The following RAB1B variants were observed in gnomAD, a reference collection of about 807,000 sequenced individuals.
RAB1B encodes ras-related protein Rab-1B.
Under a neutral mutation model 24.8 loss-of-function variants are expected in RAB1B, and 10 were observed. The observed-to-expected ratio is 0.40, with a 90% CI of 0.25 to 0.68. RAB1B has a LOEUF of 0.68. RAB1B is among the 30% of genes least tolerant of loss of function. RAB1B has a pLI of 0.37. For synonymous variants in RAB1B, 99 were observed against 111.7 expected (o/e 0.89, Z 0.72); for missense variants, 154 against 271.2 (o/e 0.57, Z 3.04).
chr11:66,273,937 G>C (rs1370701604), intron 4 of RAB1B, among the ~76,000 whole-genome samples: 1 of 152,068 alleles, frequency 6.6e-6, no homozygotes, highest in Non-Finnish European at 1.5e-5. Flanking sequence ...TGGCCTCACT[G>C]TCTCTCCCCA....
At chr11:66,271,517 A>T in intron 1 of RAB1B, 1 of 202,294 alleles carries the variant, frequency 4.9e-6, no homozygotes, top group Non-Finnish European at 9.7e-6. Flanking sequence ...AAAAAAAATT[A>T]GCTAGAAGTG....
chr11:66,272,541 C>T, intron 4 of RAB1B, 81 bp downstream of exon 4: 3 of 924,532 alleles, frequency 3.2e-6, no homozygotes, highest in Non-Finnish European at 5.0e-6. Flanking sequence ...TCCATCCTCT[C>T]TTTCCTGATG....
chr11:66,268,731 G>C, intron 1 of RAB1B, 38 bp downstream of exon 1: 2 of 1,552,342 alleles, frequency 1.3e-6, no homozygotes, highest in Non-Finnish European at 1.7e-6. Context: ...GCGCAGCCTC[G>C]ATCCCGAATA....
At chr11:66,274,589 G>A (rs75895114) in intron 4 of RAB1B, among the ~76,000 whole-genome samples, 6,038 of 152,166 alleles carry the variant, frequency 0.04, 327 homozygotes, top group East Asian at 0.17. Flanking sequence ...CTCCTGTCAG[G>A]ACTAGCATAG....
chr11:66,272,348 T>G lies in RAB1B; in HGVS notation c.184-17T>G, dbSNP rs1857074317. The G allele has an allele frequency of 6.2e-7, 1 of 1,611,528 alleles. No homozygotes were observed. The highest frequency in any genetic ancestry group is 1.3e-5 in the African/African-American group (1 of 74,874). ...CTGGACCTCAGCTGACCTGCTCCTC[T>G]GCCTACTGTCTCCTAGTGGGACACA... On this transcript the variant is annotated splice_polypyrimidine_tract_variant and intron_variant, in intron 3 of 5. Transcript: ENST00000311481.
At chr11:66,275,132 TAA>T (rs921786265) in intron 4 of RAB1B, among the ~76,000 whole-genome samples, 3 of 152,200 alleles carry the variant, frequency 2.0e-5, no homozygotes, top group African/African-American at 7.2e-5. Flanking sequence ...GCAAGAGGTC[TAA>T]GTTTGAGCCA....
At chr11:66,269,031 C>T (rs1857002669) in intron 1 of RAB1B, among the ~76,000 whole-genome samples, 6 of 152,078 alleles carry the variant, frequency 3.9e-5, no homozygotes, top group Admixed American at 3.3e-4. Context: ...TGCTGCTTGA[C>T]AACTGTCCCG....
At chr11:66,276,012 C>G in intron 5 of RAB1B, 32 bp from the exon 6 acceptor site, 8 of 1,608,112 alleles carry the variant, frequency 5.0e-6, no homozygotes, top group Non-Finnish European at 6.8e-6. Context: ...CTCCTCTTCT[C>G]TCCCCTCCTC....
At chr11:66,274,041 C>T (rs369560864) in intron 4 of RAB1B, among the ~76,000 whole-genome samples, 46 of 152,246 alleles carry the variant, frequency 3.0e-4, no homozygotes, top group Admixed American at 7.2e-4. Context: ...GTGGTGTGAT[C>T]ATAGCTCATT....
Position 66,276,437 on chromosome 11 carries a change from T to G in RAB1B, c.*199T>G. On this transcript the variant is annotated 3_prime_UTR_variant, in exon 6 of 6. Coordinates refer to ENST00000311481, the MANE Select transcript of RAB1B (RefSeq NM_030981.3). ...TGTCAGGGTCCCTAAGGGAGGACAC[T>G]CAGGGCCTGTGGCCAGGCAGGGCGG... 1.7e-6 allele frequency: 1 copy of G among 573,586 alleles called. No homozygotes were observed. The highest frequency in any genetic ancestry group is 2.9e-6 in the Non-Finnish European group (1 of 339,086). 35.5% of individuals were successfully genotyped at this position (573,586 alleles called of 1,614,324 possible).
intron 4 of RAB1B, among the ~76,000 whole-genome samples, chr11:66,275,365 C>G (rs987435460): frequency 1.4e-4 from 21 of 152,334 alleles, no homozygotes; most frequent in Non-Finnish European, 2.4e-4. Flanking sequence ...AGAGGACCCT[C>G]GAACTCCTGT....
At chr11:66,273,498 G>A (rs1303152768) in intron 4 of RAB1B, among the ~76,000 whole-genome samples, 5 of 152,164 alleles carry the variant, frequency 3.3e-5, no homozygotes, top group Admixed American at 1.3e-4. Context: ...TGCAGCACTC[G>A]ATTCTCTATT....
At chr11:66,273,631 T>C (rs1362888103) in intron 4 of RAB1B, among the ~76,000 whole-genome samples, 1 of 152,218 alleles carries the variant, frequency 6.6e-6, no homozygotes, top group African/African-American at 2.4e-5. Flanking sequence ...TGTGGTTTGC[T>C]TCTGCCTTGT....
chr11:66,272,984 A>G (rs2134863551), intron 4 of RAB1B, among the ~76,000 whole-genome samples: 1 of 152,356 alleles, frequency 6.6e-6, no homozygotes, highest in Middle Eastern at 3.4e-3. Context: ...AGGGCTGGAA[A>G]TGGTTCCATG....
intron 4 of RAB1B, among the ~76,000 whole-genome samples, chr11:66,275,032 C>G (rs1429620760): frequency 6.6e-6 from 1 of 152,216 alleles, no homozygotes; most frequent in Non-Finnish European, 1.5e-5. Context: ...GTCTATTCAT[C>G]TACTGTCCCG....
rs1406992872 is a variant in RAB1B at position 66,277,022 on chromosome 11, A to T, written c.*784A>T. ...TGCCAGAGGCTGGGCACCAGCCTTA[A>T]CCCTCACTCTGCTAGCACCTCCTCC... is the stretch of plus-strand genomic sequence containing the variant. On this transcript the variant is annotated 3_prime_UTR_variant, in exon 6 of 6. Transcript: ENST00000311481. The T allele has an allele frequency of 6.5e-6, 1 of 152,740 alleles. No individual in the cohort carries two copies. The highest frequency in any genetic ancestry group is 2.4e-5 in the African/African-American group (1 of 41,376). 9.5% of individuals were successfully genotyped at this position (152,740 alleles called of 1,614,324 possible).
In RAB1B at chr11:66,275,949, C is replaced by A; in HGVS notation, c.411+14C>A. ...ACCACAGCCAAGGTAGCAGACGGGCCGGTCTGCCCGGGGTCGGGGCGCTGG... is the reference window on the plus strand; with the variant it reads ...ACCACAGCCAAGGTAGCAGACGGGCAGGTCTGCCCGGGGTCGGGGCGCTGG... On this transcript the variant is annotated intron_variant, in intron 5 of 5. Transcript: ENST00000311481. 1 of 1,610,898 alleles carries A rather than the reference C, an allele frequency of 6.2e-7. No homozygotes were observed. Among genetic ancestry groups the A allele is most frequent in the South Asian group, 1.1e-5 (1 of 90,358 alleles).
chr11:66,270,071 C>T (rs1036626889), intron 1 of RAB1B: 4 of 152,002 alleles, frequency 2.6e-5, no homozygotes, highest in African/African-American at 9.7e-5. Flanking sequence ...GACAGGGTCT[C>T]GATATGTTTC....
Position 66,276,496 on chromosome 11 carries a change from C to T in RAB1B, c.*258C>T. Reference sequence around the variant, plus strand: ...TGTGCTGTTGCCTCTAGGTGACTTTCCAAGATGCCCCCCTACACACCTTTC... The same window carrying T: ...TGTGCTGTTGCCTCTAGGTGACTTTTCAAGATGCCCCCCTACACACCTTTC... On this transcript the variant is annotated 3_prime_UTR_variant, in exon 6 of 6. Transcript: ENST00000311481. 1 of 470,268 alleles carries T rather than the reference C, an allele frequency of 2.1e-6. No homozygotes were observed. The highest frequency in any genetic ancestry group is 2.0e-5 in the African/African-American group (1 of 49,008). 29.1% of individuals were successfully genotyped at this position (470,268 alleles called of 1,614,324 possible).
Sources: gnomAD v4.1 joint callset for allele counts (sites outside exome capture counted in the v4.1 genomes callset) on GRCh38, gnomAD v4.1.1 for gene constraint, MANE v1.5 for transcripts, NCBI Gene and HGNC (gene_info 2026-07-23, HGNC 2026-07-21) for gene names.